VWA8: variants seen among roughly 807,000 people sequenced by gnomAD.
The protein encoded by VWA8 is von Willebrand factor A domain containing 8.
VWA8 carries 221 observed loss-of-function variants against 241.5 expected under a neutral mutation model. The ratio of observed to expected loss-of-function variants is 0.91; its 90% CI spans 0.82 to 1.02. VWA8 has a LOEUF of 1.02. VWA8 is among the 50% of genes least tolerant of loss of function. The probability of loss-of-function intolerance (pLI) is 0.00; values close to 1 mark genes in which losing one functional copy is unlikely to be tolerated. For missense variants in VWA8, 2,322 were observed against 2,328.7 expected, an observed-to-expected ratio of 1.00 and a Z score of 0.06; for synonymous variants, 852 against 827.1, an observed-to-expected ratio of 1.03 and a Z score of -0.52.
chr13:41,590,056 T>C lies in VWA8; in HGVS notation c.5112+584A>G, dbSNP rs77245305. The stretch of plus-strand genomic sequence containing the variant: ...CCTTCAGAGGGCGAAGGGGAAGTTT[T>C]CCCTTGGCCCCTACAATCACATCAG... On this transcript the variant is annotated intron_variant, in intron 41 of 44. Transcript: ENST00000379310. 1.2e-3 allele frequency among the ~76,000 whole-genome samples: 179 copies of C among 151,318 alleles called. 1 individual carries two copies. The highest frequency in any genetic ancestry group is 4.1e-3 in the African/African-American group (167 of 40,746).
intron 21 of VWA8, among the ~76,000 whole-genome samples, chr13:41,739,864 T>G (rs2045555730): frequency 2.5e-5 from 3 of 120,794 alleles, no homozygotes; most frequent in Admixed American, 8.5e-5. Flanking sequence ...TTTGTTTTTT[T>G]TTTTTTTTGA....
chr13:41,863,188 T>TATATATATATACACACACACACACACAC (rs1566485237), intron 12 of VWA8, among the ~76,000 whole-genome samples: 2 of 151,460 alleles, frequency 1.3e-5, no homozygotes, highest in African/African-American at 4.9e-5. Flanking sequence ...AAGACGGGTC[T>TATATATATATACACACACACACACACAC]AGCCTCCCAG....
At chr13:41,842,600 A>C (rs1872108989) in intron 12 of VWA8, among the ~76,000 whole-genome samples, 1 of 152,240 alleles carries the variant, frequency 6.6e-6, no homozygotes, top group African/African-American at 2.4e-5. Flanking sequence ...GAAGATAACC[A>C]GAAGTCAAAC....
intron 21 of VWA8, among the ~76,000 whole-genome samples, chr13:41,760,435 CTATTA>C (rs1263093635): frequency 1.3e-5 from 2 of 151,780 alleles, no homozygotes; most frequent in Non-Finnish European, 2.9e-5. Flanking sequence ...ATTCAATGCT[CTATTA>C]TACTATATAT....
Position 41,708,139 on chromosome 13 carries a change from C to A in VWA8, c.3117-4728G>T, listed in dbSNP as rs542942067. ...TTGGGAGGCCGAGGCGGGCGGATCA[C>A]CTGAGGTCGGGAGTTCGAGACCAGC... On this transcript the variant is annotated intron_variant, in intron 26 of 44. Coordinates refer to ENST00000379310, the MANE Select transcript of VWA8 (RefSeq NM_015058.2). Among the ~76,000 whole-genome samples the A allele has an allele frequency of 2.6e-5, 4 of 152,142 alleles. No individual in the cohort carries two copies. In the East Asian group the frequency reaches 7.7e-4, roughly 29 times the overall value.
intron 17 of VWA8, chr13:41,807,552 A>G (rs936294026): frequency 6.6e-6 from 1 of 152,254 alleles, no homozygotes; most frequent in African/African-American, 2.4e-5. Flanking sequence ...ATATCAGTCA[A>G]TGTGATGCAT....
intron 9 of VWA8, among the ~76,000 whole-genome samples, chr13:41,881,670 G>T: frequency 6.7e-6 from 1 of 150,284 alleles, no homozygotes; most frequent in African/African-American, 2.4e-5. Flanking sequence ...TTCCCAGTAG[G>T]GGCGGCCGGG....
rs1014171977 is a variant in VWA8 at position 41,881,596 on chromosome 13, G to T, written c.1080+1791C>A. Among the ~76,000 whole-genome samples the T allele has an allele frequency of 2.0e-5, 3 of 150,114 alleles. No individual in the cohort carries two copies. In the East Asian group the frequency reaches 5.9e-4, roughly 30 times the overall value. On this transcript the variant is annotated intron_variant, in intron 9 of 44. Transcript: ENST00000379310. ...CTGTTGGGTACACCTCCCAGACGGGGTGGTGGCCAGGCAGAGGGGCTCCTC... is the reference window on the plus strand; with the variant it reads ...CTGTTGGGTACACCTCCCAGACGGGTTGGTGGCCAGGCAGAGGGGCTCCTC...
chr13:41,815,393 G>C (rs928217542), intron 16 of VWA8, among the ~76,000 whole-genome samples: 2 of 152,222 alleles, frequency 1.3e-5, no homozygotes, highest in Non-Finnish European at 1.5e-5. Context: ...TTGCAAATAA[G>C]ATTAAGATAA....
intron 12 of VWA8, among the ~76,000 whole-genome samples, chr13:41,864,871 C>T (rs1471534801): frequency 1.3e-5 from 2 of 151,640 alleles, no homozygotes; most frequent in Non-Finnish European, 2.9e-5. Flanking sequence ...GCCTGTAATC[C>T]CAGCTACTCA....
chr13:41,836,086 T>C (rs1040886553), intron 12 of VWA8, among the ~76,000 whole-genome samples: 1 of 152,218 alleles, frequency 6.6e-6, no homozygotes, highest in Non-Finnish European at 1.5e-5. Context: ...GATTCTGATA[T>C]GCCTCCCACG....
intron 4 of VWA8, among the ~76,000 whole-genome samples, chr13:41,900,735 T>C (rs899205069): frequency 6.6e-5 from 10 of 152,320 alleles, no homozygotes; most frequent in African/African-American, 2.4e-4. Flanking sequence ...TATAAACTAT[T>C]ATTAATGTAG....
chr13:41,937,386 G>A (rs545007618), intron 2 of VWA8, among the ~76,000 whole-genome samples: 1 of 152,190 alleles, frequency 6.6e-6, no homozygotes, highest in East Asian at 1.9e-4. Flanking sequence ...GGGGTGATGG[G>A]AGACAGTGAG....
chr13:41,746,053 G>C (rs994803065), intron 21 of VWA8, among the ~76,000 whole-genome samples: 1 of 152,144 alleles, frequency 6.6e-6, no homozygotes, highest in African/African-American at 2.4e-5. Context: ...GGTGGTTAAA[G>C]GAGACCTCAG....
intron 35 of VWA8, among the ~76,000 whole-genome samples, chr13:41,683,910 T>A (rs75611254): frequency 0.018 from 2,700 of 152,266 alleles, 52 homozygotes; most frequent in Non-Finnish European, 0.025. Flanking sequence ...TAAACTCTGG[T>A]ACATAACTTC....
At chr13:41,671,749 T>C (rs1566409695) in intron 36 of VWA8, among the ~76,000 whole-genome samples, 1 of 152,020 alleles carries the variant, frequency 6.6e-6, no homozygotes. Flanking sequence ...TCCCCCCCAT[T>C]CATGTTAGGA....
At chr13:41,683,975 C>T (rs903692297) in intron 35 of VWA8, among the ~76,000 whole-genome samples, 1 of 152,140 alleles carries the variant, frequency 6.6e-6, no homozygotes, top group Non-Finnish European at 1.5e-5. Flanking sequence ...TGGAGTACCC[C>T]TTTCCTGGAC....
At chr13:41,611,158 C>T (rs553235039) in intron 39 of VWA8, among the ~76,000 whole-genome samples, 10 of 152,290 alleles carry the variant, frequency 6.6e-5, no homozygotes, top group African/African-American at 2.4e-4. Flanking sequence ...CTAAACTTGC[C>T]TTTCTCTGCA....
In VWA8 at chr13:41,678,122, C is replaced by T. The variant is rs376912759; in HGVS notation, c.4328-2826G>A. On this transcript the variant is annotated intron_variant, in intron 35 of 44. Coordinates refer to ENST00000379310, the MANE Select transcript of VWA8 (RefSeq NM_015058.2). ...TCCTTTTTATTAAACCATTGTGGGC[C>T]TCTGGGGACTTGGAAAGGATTCTAG... Among the ~76,000 whole-genome samples the T allele has an allele frequency of 2.6e-5, 4 of 152,136 alleles. No individual in the cohort carries two copies. The East Asian group carries it at 7.7e-4, about 29-fold the overall frequency.
Sources: allele counts gnomAD v4.1 joint callset (sites outside exome capture counted in the v4.1 genomes callset), GRCh38; gene constraint gnomAD v4.1.1; transcripts MANE v1.5; gene names NCBI Gene and HGNC (gene_info 2026-07-23, HGNC 2026-07-21).